The following ATP6V1E1 variants were observed in gnomAD, a reference collection of about 807,000 sequenced individuals.
The protein encoded by ATP6V1E1 is ATPase H+ transporting V1 subunit E1.
Under a neutral mutation model 35.2 loss-of-function variants are expected in ATP6V1E1, and 21 were observed. The ratio of observed to expected loss-of-function variants is 0.60; its 90% CI spans 0.42 to 0.86. ATP6V1E1 has a LOEUF of 0.86. Ranked by LOEUF, ATP6V1E1 falls within the 40% of genes least tolerant of loss-of-function variation. The pLI is 0.00. For missense variants in ATP6V1E1, 183 were observed against 272.6 expected, an observed-to-expected ratio of 0.67 and a Z score of 2.32; for synonymous variants, 83 against 87.8, an observed-to-expected ratio of 0.95 and a Z score of 0.30.
intron 4 of ATP6V1E1, among the ~76,000 whole-genome samples, chr22:17,603,599 A>G (rs982624316): frequency 2.6e-5 from 4 of 151,794 alleles, no homozygotes; most frequent in Admixed American, 2.0e-4. Flanking sequence ...TGATTACTTA[A>G]ACCCAGAGTT....
At chr22:17,616,824 G>A (rs2057848149) in intron 2 of ATP6V1E1, among the ~76,000 whole-genome samples, 1 of 65,532 alleles carries the variant, frequency 1.5e-5, no homozygotes, top group Admixed American at 1.3e-4. Flanking sequence ...CGAGGCGGGC[G>A]GATCACGAGG....
intron 4 of ATP6V1E1, among the ~76,000 whole-genome samples, chr22:17,611,902 A>G (rs553499197): frequency 2.2e-4 from 34 of 152,284 alleles, no homozygotes; most frequent in Non-Finnish European, 4.3e-4. Context: ...TTCAAGTTCT[A>G]TATTTTTAGT....
intron 4 of ATP6V1E1, among the ~76,000 whole-genome samples, chr22:17,611,188 T>C (rs1242593782): frequency 6.6e-6 from 1 of 152,162 alleles, no homozygotes; most frequent in Non-Finnish European, 1.5e-5. Context: ...GGAATTTGAA[T>C]CCCCTGGAAG....
At chr22:17,609,464 CTTTTT>C (rs61116267) in intron 4 of ATP6V1E1, among the ~76,000 whole-genome samples, 2 of 90,720 alleles carry the variant, frequency 2.2e-5, no homozygotes, top group African/African-American at 4.7e-5. Flanking sequence ...CCATCCTGCT[CTTTTT>C]TTTTTTTTTT....
Position 17,628,737 on chromosome 22 carries a change from T to C in ATP6V1E1, c.-102A>G. The C allele has an allele frequency of 6.6e-7, 1 of 1,520,612 alleles. No individual in the cohort carries two copies. The highest frequency in any genetic ancestry group is 9.1e-7 in the Non-Finnish European group (1 of 1,097,150). The allele number at this position is 1,520,612 out of a possible 1,614,324, so 94.2% of individuals were successfully genotyped here. ...GGGAACCCCTGCGCAGATCTCGGGT[T>C]CCTTTACTTTATAACCGCGGGTTCC... On this transcript the variant is annotated 5_prime_UTR_variant, in exon 1 of 9. Transcript: ENST00000253413.
chr22:17,603,563 C>T (rs529835874), intron 4 of ATP6V1E1, among the ~76,000 whole-genome samples: 6 of 152,038 alleles, frequency 3.9e-5, no homozygotes, highest in Non-Finnish European at 8.8e-5. Flanking sequence ...CCTCTGATCC[C>T]AGCACTTTGA....
Position 17,627,054 on chromosome 22 carries a change from A to G in ATP6V1E1, c.33+1549T>C, listed in dbSNP as rs191363206. On this transcript the variant is annotated intron_variant, in intron 1 of 8. Transcript: ENST00000253413. ...ACCCAGGCTGGAGTGCAGTGGCACA[A>G]TCTTGGCTCACTGCAACCTCCGCCT... 4.0e-3 allele frequency among the ~76,000 whole-genome samples: 606 copies of G among 152,036 alleles called. 6 individuals carry two copies. The highest frequency in any genetic ancestry group is 0.014 in the African/African-American group (582 of 41,478).
At chr22:17,614,696 C>T (rs1262172915) in intron 2 of ATP6V1E1, among the ~76,000 whole-genome samples, 2 of 149,264 alleles carry the variant, frequency 1.3e-5, no homozygotes, top group East Asian at 4.0e-4. Context: ...TGCCTGGGCA[C>T]GGTGGCTCAC....
intron 1 of ATP6V1E1, among the ~76,000 whole-genome samples, chr22:17,627,448 T>C (rs1193859068): frequency 6.6e-6 from 1 of 151,692 alleles, no homozygotes; most frequent in East Asian, 2.0e-4. Flanking sequence ...ATCTCACAAA[T>C]GTTAACACAC....
At chr22:17,616,009 G>A (rs774186953) in intron 2 of ATP6V1E1, among the ~76,000 whole-genome samples, 12 of 150,410 alleles carry the variant, frequency 8.0e-5, no homozygotes, top group Non-Finnish European at 1.3e-4. Flanking sequence ...TCCAGCCCGG[G>A]CGACAGTGCA....
rs928655426 is a variant in ATP6V1E1 at position 17,626,307 on chromosome 22, CAAAAA to C, written c.33+2291_33+2295del. 2.1e-4 allele frequency among the ~76,000 whole-genome samples: 13 copies of C among 61,978 alleles called. 1 individual carries two copies. Among genetic ancestry groups the C allele is most frequent in the South Asian group, 1.6e-3 (3 of 1,840 alleles). The allele number at this position is 61,978 out of a possible 152,430, so 40.7% of individuals were successfully genotyped here. On this transcript the variant is annotated intron_variant, in intron 1 of 8. Coordinates refer to ENST00000253413, the MANE Select transcript of ATP6V1E1 (RefSeq NM_001696.4). Reference sequence around the variant, plus strand: ...TGGGCAACAGAGCGAGACTTCGTCTCAAAAAAAAAAAAAAAAAAAAAGAAAGAAAA... The same window carrying C: ...TGGGCAACAGAGCGAGACTTCGTCTCAAAAAAAAAAAAAAAAGAAAGAAAA...
At chr22:17,626,325 A>AAAAAAAAAAAG (rs1555864859) in intron 1 of ATP6V1E1, among the ~76,000 whole-genome samples, 10 of 122,906 alleles carry the variant, frequency 8.1e-5, no homozygotes, top group African/African-American at 1.8e-4. Context: ...AAAAAAAAAA[A>AAAAAAAAAAAG]AAAGAAAGAA....
chr22:17,626,321 A>AAG (rs1298208288), intron 1 of ATP6V1E1, among the ~76,000 whole-genome samples: 2 of 146,192 alleles, frequency 1.4e-5, no homozygotes, highest in African/African-American at 5.2e-5. Context: ...AAAAAAAAAA[A>AAG]AAAAAAAGAA....
chr22:17,628,361 C>G (rs988392459), intron 1 of ATP6V1E1, among the ~76,000 whole-genome samples: 4 of 152,230 alleles, frequency 2.6e-5, no homozygotes, highest in African/African-American at 9.6e-5. Flanking sequence ...AGGCAAAGAG[C>G]CAGGGCGTTC....
At position 17,597,322 on chromosome 22, in the gene ATP6V1E1, T is replaced by A. The variant is rs954980083; in HGVS notation, c.530+872A>T. On this transcript the variant is annotated intron_variant, in intron 7 of 8. Transcript: ENST00000253413. ...GGCTAGGTGGCCTCAGACAGGCCAG[T>A]GAAATCGAGAAAATGACACTGGCTC... Among the ~76,000 whole-genome samples the A allele has an allele frequency of 4.0e-5, 6 of 151,300 alleles. 1 individual carries two copies. Among genetic ancestry groups the A allele is most frequent in the African/African-American group, 1.5e-4 (6 of 40,984 alleles).
At position 17,613,302 on chromosome 22, in the gene ATP6V1E1, T is replaced by C; in HGVS notation, c.118A>G (p.Ile40Val). Residue 40 changes from isoleucine (I) to valine (V), a missense_variant, in exon 3 of 9, where the codon ATA becomes GTA. Ile to Val is a conservative substitution (Grantham distance 29, BLOSUM62 3). Coordinates refer to ENST00000253413, the MANE Select transcript of ATP6V1E1 (RefSeq NM_001696.4). Reference sequence around the variant, plus strand: ...GTTTGCACAAGCCGACCTTTCTCTATGTTGAACTCTTCTTCTGCCTAGAGG... The same window carrying C: ...GTTTGCACAAGCCGACCTTTCTCTACGTTGAACTCTTCTTCTGCCTAGAGG... Reference protein sequence around the residue: ...IDAKAEEEFNIEKGRLVQTQR... With the variant: ...IDAKAEEEFNVEKGRLVQTQR... 3.7e-6 allele frequency: 6 copies of C among 1,613,654 alleles called. No individual in the cohort carries two copies. The highest frequency in any genetic ancestry group is 5.1e-6 in the Non-Finnish European group (6 of 1,179,718).
chr22:17,616,058 CAA>C, intron 2 of ATP6V1E1, among the ~76,000 whole-genome samples: 1 of 150,436 alleles, frequency 6.6e-6, no homozygotes, highest in African/African-American at 2.5e-5. Context: ...AACAAACAAA[CAA>C]ACAAAAGCCG....
At chr22:17,611,973 T>C (rs1327907709) in intron 4 of ATP6V1E1, among the ~76,000 whole-genome samples, 2 of 152,266 alleles carry the variant, frequency 1.3e-5, no homozygotes, top group Non-Finnish European at 2.9e-5. Flanking sequence ...GTAGCTATTA[T>C]AGAGAGATCT....
chr22:17,592,464 C>G lies in ATP6V1E1; in HGVS notation c.*210G>C, dbSNP rs986550286. 1.8e-6 allele frequency: 1 copy of G among 566,082 alleles called. No homozygotes were observed. Among genetic ancestry groups the G allele is most frequent in the Non-Finnish European group, 3.1e-6 (1 of 319,548 alleles). The allele number at this position is 566,082 out of a possible 1,614,324, so 35.1% of individuals were successfully genotyped here. A position where few individuals can be genotyped will look rare whatever the true frequency, so the allele number is the denominator to read the frequency against. On this transcript the variant is annotated 3_prime_UTR_variant, in exon 9 of 9. Transcript: ENST00000253413. ...GGACACTGTCACACTTTCAGAAGAA[C>G]TGGAGGTGGGTCCTGATCATATTAC...
Sources: gnomAD v4.1 joint callset for allele counts (sites outside exome capture counted in the v4.1 genomes callset) on GRCh38, gnomAD v4.1.1 for gene constraint, MANE v1.5 for transcripts, NCBI Gene and HGNC (gene_info 2026-07-23, HGNC 2026-07-21) for gene names.